CCDC88C: variants seen among roughly 807,000 people sequenced by gnomAD.
The protein encoded by CCDC88C is coiled-coil and HOOK domain protein 88C.
CCDC88C carries 131 observed loss-of-function variants against 198.8 expected under a neutral mutation model. The observed-to-expected ratio is 0.66, with a 90% confidence interval of 0.57 to 0.76. CCDC88C has a LOEUF of 0.76. Ranked by LOEUF, CCDC88C falls within the 30% of genes least tolerant of loss-of-function variation. CCDC88C has a pLI of 0.00. For synonymous variants in CCDC88C, 1,166 were observed against 1,114.7 expected (o/e 1.05, Z -0.92); for missense variants, 2,553 against 2,631.6 (o/e 0.97, Z 0.65).
chr14:91,331,672 C>T lies in CCDC88C; in HGVS notation c.1051-5616G>A, dbSNP rs577052929. On this transcript the variant is annotated intron_variant, in intron 10 of 29. Coordinates refer to ENST00000389857, the MANE Select transcript of CCDC88C (RefSeq NM_001080414.4). ...CCCCTCACTGCAGAGATCTATTCCA[C>T]GGTCCCCACCTCCTTGGGGCAGCTC... 3.3e-5 allele frequency among the ~76,000 whole-genome samples: 5 copies of T among 152,344 alleles called. No individual in the cohort carries two copies. In the South Asian group the frequency reaches 8.3e-4, roughly 25 times the overall value.
chr14:91,321,674 A>AC (rs1269554771), intron 12 of CCDC88C, among the ~76,000 whole-genome samples: 3 of 151,766 alleles, frequency 2.0e-5, no homozygotes, highest in Admixed American at 1.3e-4. Context: ...CATTTTCCAT[A>AC]CCCCCCAGAG....
At chr14:91,387,630 C>T (rs962042151) in intron 3 of CCDC88C, among the ~76,000 whole-genome samples, 1 of 152,178 alleles carries the variant, frequency 6.6e-6, no homozygotes, top group Admixed American at 6.5e-5. Flanking sequence ...GGCCTCCTCC[C>T]GTCGCTCTGA....
At chr14:91,316,220 T>C (rs1418982959) in intron 13 of CCDC88C, among the ~76,000 whole-genome samples, 1 of 152,184 alleles carries the variant, frequency 6.6e-6, no homozygotes, top group Admixed American at 6.5e-5. Flanking sequence ...TTCTTACCCC[T>C]TCCACACTTC....
chr14:91,382,158 CTG>C (rs1437728011), intron 3 of CCDC88C, among the ~76,000 whole-genome samples: 1 of 152,204 alleles, frequency 6.6e-6, no homozygotes, highest in Admixed American at 6.5e-5. Flanking sequence ...ATAGCAAACA[CTG>C]TGTATGGAGC....
intron 10 of CCDC88C, among the ~76,000 whole-genome samples, chr14:91,328,928 A>G (rs1402750529): frequency 6.6e-6 from 1 of 152,194 alleles, no homozygotes; most frequent in Non-Finnish European, 1.5e-5. Context: ...GGGGTGCGGA[A>G]TCAAACAAAC....
At chr14:91,358,843 C>T (rs930225768) in intron 4 of CCDC88C, among the ~76,000 whole-genome samples, 3 of 151,976 alleles carry the variant, frequency 2.0e-5, no homozygotes, top group East Asian at 3.9e-4. Context: ...TCAGAGACTG[C>T]GGGGACCTAG....
At chr14:91,361,255 T>A (rs1360751691) in intron 3 of CCDC88C, among the ~76,000 whole-genome samples, 1 of 152,092 alleles carries the variant, frequency 6.6e-6, no homozygotes, top group African/African-American at 2.4e-5. Flanking sequence ...TTTAAAAATG[T>A]GTTTCTGTTA....
intron 10 of CCDC88C, among the ~76,000 whole-genome samples, chr14:91,332,536 C>T (rs190697441): frequency 6.6e-6 from 1 of 152,324 alleles, no homozygotes; most frequent in Non-Finnish European, 1.5e-5. Context: ...ATCTTGTCCT[C>T]CCACATGGCA....
At chr14:91,388,702 G>A (rs1567115961) in intron 3 of CCDC88C, among the ~76,000 whole-genome samples, 2 of 152,216 alleles carry the variant, frequency 1.3e-5, no homozygotes, top group East Asian at 1.9e-4. Flanking sequence ...ACTCAAACAC[G>A]TGACATTTCA....
At chr14:91,390,006 A>C (rs916140034) in intron 3 of CCDC88C, among the ~76,000 whole-genome samples, 1 of 151,786 alleles carries the variant, frequency 6.6e-6, no homozygotes, top group African/African-American at 2.4e-5. Context: ...CGGGAGGCGG[A>C]GCTTGCAGTG....
chr14:91,287,160 A>C (rs1263153755), intron 25 of CCDC88C, among the ~76,000 whole-genome samples: 1 of 152,226 alleles, frequency 6.6e-6, no homozygotes, highest in Non-Finnish European at 1.5e-5. Context: ...CAAATGTCCA[A>C]AAATTAAACA....
At chr14:91,404,703 C>G (rs972875116) in intron 3 of CCDC88C, among the ~76,000 whole-genome samples, 4 of 152,126 alleles carry the variant, frequency 2.6e-5, no homozygotes, top group Admixed American at 2.6e-4. Flanking sequence ...GTGGCTCACG[C>G]CTGTAATCCC....
At chr14:91,289,075 C>G (rs75673011) in intron 25 of CCDC88C, 30 bp downstream of exon 25, 1 of 1,587,468 alleles carries the variant, frequency 6.3e-7, no homozygotes, top group South Asian at 1.1e-5. Context: ...CCCTTCCTCA[C>G]CCGACCACGG....
rs1891059067 is a variant in CCDC88C at position 91,297,442 on chromosome 14, C to T, written c.3829G>A (p.Ala1277Thr). 2 of 1,592,208 alleles carry T rather than the reference C, an allele frequency of 1.3e-6. No homozygotes were observed. Among genetic ancestry groups the T allele is most frequent in the Non-Finnish European group, 1.7e-6 (2 of 1,169,274 alleles). Reference sequence around the variant, plus strand: ...GAGGTTTTCAGCTCCTTGGTGTGGGCGTGCAGCTCCTCGTACTCCCCCTTC... The same window carrying T: ...GAGGTTTTCAGCTCCTTGGTGTGGGTGTGCAGCTCCTCGTACTCCCCCTTC... ...QLKGEYEELH[A>T]HTKELKTSLN... Residue 1277 changes from alanine (A) to threonine (T), a missense_variant, in exon 22 of 30, where the codon GCC (alanine) becomes ACC (threonine). Ala to Thr is a moderately conservative substitution (Grantham distance 58, BLOSUM62 0). Coordinates refer to ENST00000389857, the MANE Select transcript of CCDC88C (RefSeq NM_001080414.4).
At chr14:91,408,500 C>T (rs561942442) in intron 3 of CCDC88C, 159 bp downstream of exon 3, 13 of 634,448 alleles carry the variant, frequency 2.0e-5, no homozygotes, top group Admixed American at 1.2e-4. Flanking sequence ...CATCCTCACA[C>T]ATGCCCCAAC....
chr14:91,376,461 C>G (rs1401022604), intron 3 of CCDC88C, among the ~76,000 whole-genome samples: 1 of 152,210 alleles, frequency 6.6e-6, no homozygotes, highest in East Asian at 1.9e-4. Flanking sequence ...ACCCCTGCCC[C>G]CCAGGAACCA....
At chr14:91,298,372 C>CA (rs528160354) in intron 21 of CCDC88C, among the ~76,000 whole-genome samples, 32 of 144,742 alleles carry the variant, frequency 2.2e-4, no homozygotes, top group South Asian at 4.4e-4. Flanking sequence ...GACTCCGTCT[C>CA]AAAAAAAAAA....
At chr14:91,331,500 G>A (rs2078545169) in intron 10 of CCDC88C, among the ~76,000 whole-genome samples, 1 of 152,216 alleles carries the variant, frequency 6.6e-6, no homozygotes, top group African/African-American at 2.4e-5. Flanking sequence ...TCACCATGGT[G>A]GGGTGGAGAG....
At chr14:91,300,202 A>C in intron 20 of CCDC88C, 132 bp from the exon 21 acceptor site, 1 of 1,331,160 alleles carries the variant, frequency 7.5e-7, no homozygotes, top group South Asian at 1.4e-5. Context: ...TGCAGAAGTG[A>C]GGGGCATGGG....
Sources: allele counts gnomAD v4.1 joint callset (sites outside exome capture counted in the v4.1 genomes callset), GRCh38; gene constraint gnomAD v4.1.1; transcripts MANE v1.5; gene names NCBI Gene and HGNC (gene_info 2026-07-23, HGNC 2026-07-21).